The following RTRAF variants were observed in gnomAD, a reference collection of about 807,000 sequenced individuals.
The protein encoded by RTRAF is tRNA-splicing ligase complex subunit RTRAF.
In RTRAF, 14 loss-of-function variants were observed where a neutral mutation model predicts 34.4. That is an observed-to-expected ratio of 0.41 (90% CI 0.27 to 0.64). The LOEUF (loss-of-function observed/expected upper bound fraction) is 0.64, where lower values mean the gene tolerates loss of function less well. RTRAF is among the 30% of genes least tolerant of loss of function. RTRAF has a pLI of 0.34. For synonymous variants in RTRAF, 96 were observed against 95.3 expected, an observed-to-expected ratio of 1.01 and a Z score of -0.04; for missense variants, 291 against 288.4, an observed-to-expected ratio of 1.01 and a Z score of -0.06.
At chr14:52,001,654 A>G in intron 5 of RTRAF, 144 bp from the exon 6 acceptor site, 1 of 638,566 alleles carries the variant, frequency 1.6e-6, no homozygotes, top group Non-Finnish European at 2.7e-6. Context: ...GGTTTTTTTT[A>G]TTTTTAATTT....
In RTRAF at chr14:52,004,348, TTCTCATAAAACAGA is replaced by T. The variant is rs1242122972; in HGVS notation, c.581-12_582del. 6.2e-7 allele frequency: 1 copy of T among 1,612,516 alleles called. No homozygotes were observed. Among genetic ancestry groups the T allele is most frequent in the East Asian group, 2.2e-5 (1 of 44,864 alleles). On this transcript the variant is annotated splice_acceptor_variant and splice_polypyrimidine_tract_variant and coding_sequence_variant and intron_variant, in exon 8 of 8. Coordinates refer to ENST00000261700, the MANE Select transcript of RTRAF (RefSeq NM_016039.3). LOFTEE classifies it high-confidence loss of function. ...AATTATGTATTGAAGCAGTGTTCTT[TTCTCATAAAACAGA>T]TGCAGTTCTTAATGAAGCTGCTCAA...
At chr14:52,002,429 A>T (rs1379026790) in intron 6 of RTRAF, among the ~76,000 whole-genome samples, 3 of 152,138 alleles carry the variant, frequency 2.0e-5, no homozygotes, top group Non-Finnish European at 4.4e-5. Context: ...CCATGCGTGG[A>T]TGTCTGCATG....
chr14:51,991,296 ATG>A lies in RTRAF; in HGVS notation c.62-18_62-17del. ...TTTTATGTAGTGCTTCTAGTTATTT[ATG>A]TGATATTTTTTATTGCAGATGAAAC... On this transcript the variant is annotated intron_variant, in intron 1 of 7. Transcript: ENST00000261700. 6.2e-7 allele frequency: 1 copy of A among 1,608,708 alleles called. No homozygotes were observed. The highest frequency in any genetic ancestry group is 8.5e-7 in the Non-Finnish European group (1 of 1,176,062).
intron 5 of RTRAF, 142 bp from the exon 6 acceptor site, chr14:52,001,654 ATT>A: frequency 1.6e-6 from 1 of 638,566 alleles, no homozygotes; most frequent in Admixed American, 3.5e-5. Context: ...GGTTTTTTTT[ATT>A]TTTAATTTAA....
At chr14:52,000,470 TAA>T (rs1890582889) in intron 5 of RTRAF, among the ~76,000 whole-genome samples, 1 of 151,746 alleles carries the variant, frequency 6.6e-6, no homozygotes, top group Non-Finnish European at 1.5e-5. Flanking sequence ...GAGTGGTACT[TAA>T]GATACCAGAC....
Position 52,007,722 on chromosome 14 carries a change from A to ATGGGATTTCATT in RTRAF, c.*3208_*3219dup. ...AGACCAAAGAAAGGAGATCTAAGTG[A>ATGGGATTTCATT]TGGGATTTCATTTTGTAGTAAAATC... On this transcript the variant is annotated 3_prime_UTR_variant, in exon 8 of 8. Transcript: ENST00000261700. 2 of 1,158,790 alleles carry ATGGGATTTCATT rather than the reference A, an allele frequency of 1.7e-6. No homozygotes were observed. The highest frequency in any genetic ancestry group is 2.5e-6 in the Non-Finnish European group (2 of 790,394). The allele number at this position is 1,158,790 out of a possible 1,614,324, so 71.8% of individuals were successfully genotyped here.
intron 6 of RTRAF, 80 bp from the exon 7 acceptor site, chr14:52,004,114 A>ATTCT (rs1201336768): frequency 2.7e-4 from 325 of 1,191,858 alleles, no homozygotes; most frequent in Non-Finnish European, 7.0e-5. Context: ...CAGAATAGCT[A>ATTCT]GGTGCTTTTC....
In RTRAF at chr14:52,005,548, C is replaced by G. The variant is rs112431307; in HGVS notation, c.*1032C>G. ...AGGGTGGTGGGTGAGTATATTGTAA[C>G]CAAGTTGCAACAGCAAGTCTTTGCA... is the stretch of plus-strand genomic sequence containing the variant. On this transcript the variant is annotated 3_prime_UTR_variant, in exon 8 of 8. Transcript: ENST00000261700. 2 of 1,576,524 alleles carry G rather than the reference C, an allele frequency of 1.3e-6. No individual in the cohort carries two copies. The highest frequency in any genetic ancestry group is 1.7e-6 in the Non-Finnish European group (2 of 1,161,274).
intron 7 of RTRAF, 41 bp from the exon 8 acceptor site, chr14:52,004,321 A>AGGC: frequency 6.2e-7 from 1 of 1,609,156 alleles, no homozygotes; most frequent in South Asian, 1.1e-5. Flanking sequence ...CTTAAATGTA[A>AGGC]AAATTATGTA....
Position 52,008,042 on chromosome 14 carries a change from T to C in RTRAF, c.*3526T>C. ...TAGGCAGCATCTAAGCAGCCCCCAG[T>C]GATCTCCATCTCCTCATGTATTATA... On this transcript the variant is annotated 3_prime_UTR_variant, in exon 8 of 8. Coordinates refer to ENST00000261700, the MANE Select transcript of RTRAF (RefSeq NM_016039.3). 1 of 1,216,404 alleles carries C rather than the reference T, an allele frequency of 8.2e-7. No individual in the cohort carries two copies. Among genetic ancestry groups the C allele is most frequent in the Non-Finnish European group, 1.2e-6 (1 of 861,244 alleles). 75.4% of individuals were successfully genotyped at this position (1,216,404 alleles called of 1,614,324 possible).
rs1049382193 is a variant in RTRAF, at chr14:52,008,973, T to G, written c.*4457T>G. The G allele has an allele frequency of 6.6e-6, 1 of 152,178 alleles. No individual in the cohort carries two copies. The highest frequency in any genetic ancestry group is 1.5e-5 in the Non-Finnish European group (1 of 68,030). 9.4% of individuals were successfully genotyped at this position (152,178 alleles called of 1,614,324 possible). A position where few individuals can be genotyped will look rare whatever the true frequency, so the allele number is the denominator to read the frequency against. On this transcript the variant is annotated 3_prime_UTR_variant, in exon 8 of 8. Coordinates refer to ENST00000261700, the MANE Select transcript of RTRAF (RefSeq NM_016039.3). ...ATGGTCCTATTAAGTGGAAATAGGTTATAAGGAAACAAACAGGTTTATCGT... is the reference window on the plus strand; with the variant it reads ...ATGGTCCTATTAAGTGGAAATAGGTGATAAGGAAACAAACAGGTTTATCGT...
In RTRAF at chr14:52,002,258, A is replaced by G. The variant is rs557962343; in HGVS notation, c.531+392A>G. Among the ~76,000 whole-genome samples the G allele has an allele frequency of 8.5e-5, 13 of 152,346 alleles. No individual in the cohort carries two copies. In the South Asian group the frequency reaches 2.7e-3, roughly 32 times the overall value. On this transcript the variant is annotated intron_variant, in intron 6 of 7. Transcript: ENST00000261700. ...AGTTTTCTTTTTCTATCTAAATTCT[A>G]TCCTTGCTCTTATTTCTTCAGAGTA...
rs1890768900 is a variant in RTRAF, at chr14:52,006,108, TCCACAGTTC to T, written c.*1594_*1602del. 4.2e-6 allele frequency: 2 copies of T among 477,946 alleles called. No homozygotes were observed. The highest frequency in any genetic ancestry group is 2.0e-5 in the African/African-American group (1 of 51,266). The allele number at this position is 477,946 out of a possible 1,614,324, so 29.6% of individuals were successfully genotyped here. ...GTGTAAAGGGCTTAGACTTTAATGT[TCCACAGTTC>T]CTCATTTGAGAACTAGTCTAAATAG... On this transcript the variant is annotated 3_prime_UTR_variant, in exon 8 of 8. Coordinates refer to ENST00000261700, the MANE Select transcript of RTRAF (RefSeq NM_016039.3).
chr14:52,006,141 AGTAT>A lies in RTRAF; in HGVS notation c.*1626_*1629del, dbSNP rs1368461100. The A allele has an allele frequency of 2.3e-6, 1 of 428,640 alleles. No individual in the cohort carries two copies. The highest frequency in any genetic ancestry group is 4.3e-6 in the Non-Finnish European group (1 of 231,764). The allele number at this position is 428,640 out of a possible 1,614,324, so 26.6% of individuals were successfully genotyped here. On this transcript the variant is annotated 3_prime_UTR_variant, in exon 8 of 8. Coordinates refer to ENST00000261700, the MANE Select transcript of RTRAF (RefSeq NM_016039.3). Reference sequence around the variant, plus strand: ...TCCTCATTTGAGAACTAGTCTAAATAGTATTTTTCGGTCCCTCAGACAATATGTC... The same window carrying A: ...TCCTCATTTGAGAACTAGTCTAAATATTTTCGGTCCCTCAGACAATATGTC...
At chr14:51,991,276 T>A in intron 1 of RTRAF, 41 bp from the exon 2 acceptor site, 1 of 1,588,220 alleles carries the variant, frequency 6.3e-7, no homozygotes, top group Non-Finnish European at 8.6e-7. Context: ...AGGTATTTTA[T>A]GTAGTGCTTC....
chr14:51,996,026 G>A (rs1475741173), intron 3 of RTRAF, among the ~76,000 whole-genome samples: 1 of 151,868 alleles, frequency 6.6e-6, no homozygotes, highest in Admixed American at 6.6e-5. Context: ...TATTCTATTT[G>A]TTCCATTTTT....
In RTRAF at chr14:52,004,182, C is replaced by CT. The variant is rs746758369; in HGVS notation, c.532-5dup. ...CCATAAATACTCTCATTTTGTCTTT[C>CT]TTTTTTTAAAGGGCTTACCTGTTGC... On this transcript the variant is annotated splice_polypyrimidine_tract_variant and intron_variant, in intron 6 of 7. Coordinates refer to ENST00000261700, the MANE Select transcript of RTRAF (RefSeq NM_016039.3). 2.5e-6 allele frequency: 4 copies of CT among 1,606,878 alleles called. No homozygotes were observed. The highest frequency in any genetic ancestry group is 2.2e-5 in the South Asian group (2 of 90,042).
intron 3 of RTRAF, 36 bp from the exon 4 acceptor site, chr14:51,998,458 C>A: frequency 2.4e-6 from 3 of 1,266,940 alleles, no homozygotes; most frequent in Admixed American, 2.2e-5. Context: ...CCTTGAGTTG[C>A]AGTTGTACAA....
chr14:51,999,359 T>C (rs975248929), intron 4 of RTRAF: 2 of 184,744 alleles, frequency 1.1e-5, no homozygotes, highest in African/African-American at 2.3e-5. Context: ...GGAAGACCCA[T>C]TGTAAAGCTG....
Sources: allele counts gnomAD v4.1 joint callset (sites outside exome capture counted in the v4.1 genomes callset), GRCh38; gene constraint gnomAD v4.1.1; transcripts MANE v1.5; gene names NCBI Gene and HGNC (gene_info 2026-07-23, HGNC 2026-07-21).